VAC14: variants seen among roughly 807,000 people sequenced by gnomAD.
VAC14 encodes protein VAC14 homolog.
VAC14 carries 47 observed loss-of-function variants against 85.3 expected under a neutral mutation model. That is an observed-to-expected ratio of 0.55 (90% CI 0.44 to 0.70). VAC14 has a LOEUF of 0.70. Ranked by LOEUF, VAC14 falls within the 30% of genes least tolerant of loss-of-function variation. VAC14 has a pLI of 0.00. For missense variants in VAC14, 861 were observed against 1,004.3 expected (o/e 0.86, Z 1.93); for synonymous variants, 447 against 430.5 (o/e 1.04, Z -0.47).
At chr16:70,696,285 G>A (rs1161788384) in intron 16 of VAC14, among the ~76,000 whole-genome samples, 1 of 152,206 alleles carries the variant, frequency 6.6e-6, no homozygotes, top group Non-Finnish European at 1.5e-5. Flanking sequence ...GGCCGAGATG[G>A]GCAGATCGCT....
chr16:70,690,619 G>A (rs2053579156), intron 18 of VAC14: 8 of 985,338 alleles, frequency 8.1e-6, no homozygotes, highest in South Asian at 4.7e-5. Context: ...AGGGATGGGC[G>A]AGGAGTGTAC....
At chr16:70,723,283 C>T (rs532907607) in intron 14 of VAC14, among the ~76,000 whole-genome samples, 1 of 150,938 alleles carries the variant, frequency 6.6e-6, no homozygotes, top group South Asian at 2.1e-4. Context: ...TCCTCTTACT[C>T]CAAAATAAAA....
intron 1 of VAC14, among the ~76,000 whole-genome samples, chr16:70,799,840 T>C (rs997413710): frequency 7.2e-5 from 11 of 152,248 alleles, no homozygotes; most frequent in Non-Finnish European, 8.8e-5. Flanking sequence ...TGCTGCCCTA[T>C]ATAGCAGCCA....
intron 9 of VAC14, chr16:70,779,030 T>G (rs2033670137): frequency 6.6e-6 from 1 of 152,220 alleles, no homozygotes. Flanking sequence ...CCAAAAAGCT[T>G]TCAGCTGCTG....
At chr16:70,799,955 C>G (rs1246545686) in intron 1 of VAC14, among the ~76,000 whole-genome samples, 1 of 152,194 alleles carries the variant, frequency 6.6e-6, no homozygotes, top group East Asian at 1.9e-4. Flanking sequence ...GCACGGCCAA[C>G]GGCTACTCTA....
intron 17 of VAC14, among the ~76,000 whole-genome samples, chr16:70,694,447 C>T (rs890071614): frequency 6.6e-6 from 1 of 152,194 alleles, no homozygotes; most frequent in African/African-American, 2.4e-5. Flanking sequence ...CTTCTGTCTC[C>T]AGGGCATCAG....
At chr16:70,753,872 C>A (rs899374637) in intron 12 of VAC14, among the ~76,000 whole-genome samples, 4 of 152,178 alleles carry the variant, frequency 2.6e-5, no homozygotes, top group African/African-American at 9.7e-5. Context: ...TGAGTGAGAG[C>A]GCCCATTCCT....
At chr16:70,753,260 G>T (rs146496163) in intron 12 of VAC14, among the ~76,000 whole-genome samples, 75 of 152,320 alleles carry the variant, frequency 4.9e-4, no homozygotes, top group Admixed American at 1.6e-3. Flanking sequence ...AAAATGGTGG[G>T]TCTCATTAGC....
intron 14 of VAC14, among the ~76,000 whole-genome samples, chr16:70,712,592 C>A (rs1352047021): frequency 6.6e-6 from 1 of 152,152 alleles, no homozygotes; most frequent in Non-Finnish European, 1.5e-5. Context: ...AGCTGCAGAG[C>A]TCTCCGAGTC....
chr16:70,730,403 C>T (rs2054554996), intron 14 of VAC14, among the ~76,000 whole-genome samples: 1 of 152,022 alleles, frequency 6.6e-6, no homozygotes, highest in Non-Finnish European at 1.5e-5. Context: ...TAGTTTACAG[C>T]AAGATGAGCT....
At chr16:70,689,200 A>G (rs1313387509) in intron 18 of VAC14, 5 of 979,460 alleles carry the variant, frequency 5.1e-6, no homozygotes, top group Non-Finnish European at 6.1e-6. Context: ...AGGGCTACCT[A>G]AGGAGCGGCC....
At chr16:70,722,677 G>A (rs1409068015) in intron 14 of VAC14, among the ~76,000 whole-genome samples, 1 of 152,136 alleles carries the variant, frequency 6.6e-6, no homozygotes, top group African/African-American at 2.4e-5. Flanking sequence ...AAGACAAAGG[G>A]CACCCACATT....
chr16:70,726,504 C>T (rs80288936), intron 14 of VAC14, among the ~76,000 whole-genome samples: 1 of 152,220 alleles, frequency 6.6e-6, no homozygotes, highest in Non-Finnish European at 1.5e-5. Flanking sequence ...CTGAGACATG[C>T]GCCATTTATA....
intron 10 of VAC14, among the ~76,000 whole-genome samples, chr16:70,763,814 G>A (rs113590988): frequency 8.5e-5 from 13 of 152,344 alleles, no homozygotes; most frequent in African/African-American, 3.1e-4. Context: ...AGCAGCCTGC[G>A]GGACAGCGGG....
At chr16:70,750,891 G>A (rs1290617461) in intron 12 of VAC14, among the ~76,000 whole-genome samples, 1 of 152,158 alleles carries the variant, frequency 6.6e-6, no homozygotes, top group Non-Finnish European at 1.5e-5. Context: ...ACCATCCTGG[G>A]AACAGCTGGG....
At chr16:70,744,958 T>C (rs939862131) in intron 12 of VAC14, 1 of 186,494 alleles carries the variant, frequency 5.4e-6, no homozygotes, top group African/African-American at 2.4e-5. Context: ...GCCCGCAGGC[T>C]GCGCAAGGCT....
At chr16:70,747,208 A>C (rs2030971681) in intron 12 of VAC14, 2 of 152,158 alleles carry the variant, frequency 1.3e-5, no homozygotes, top group Admixed American at 1.3e-4. Flanking sequence ...ACCTGCCGAG[A>C]AGCCAGCCAC....
At chr16:70,796,002 G>C (rs1478493534) in intron 1 of VAC14, among the ~76,000 whole-genome samples, 3 of 152,178 alleles carry the variant, frequency 2.0e-5, no homozygotes, top group African/African-American at 7.2e-5. Flanking sequence ...TGGGAAGACA[G>C]CCTGGCATCT....
At chr16:70,691,197 C>T in intron 18 of VAC14, 1 of 985,544 alleles carries the variant, frequency 1.0e-6, no homozygotes, top group Non-Finnish European at 1.2e-6. Flanking sequence ...CTGCTCTGAG[C>T]CTCTGCTCCC....
Sources: allele counts gnomAD v4.1 joint callset (sites outside exome capture counted in the v4.1 genomes callset), GRCh38; gene constraint gnomAD v4.1.1; transcripts MANE v1.5; gene names NCBI Gene and HGNC (gene_info 2026-07-23, HGNC 2026-07-21).